The following MED12L variants were observed in gnomAD, a reference collection of about 807,000 sequenced individuals.
MED12L encodes mediator complex subunit 12L.
A neutral mutation model predicts 281.3 loss-of-function variants in MED12L; 60 were observed. The ratio of observed to expected loss-of-function variants is 0.21; its 90% CI spans 0.17 to 0.26. The LOEUF (loss-of-function observed/expected upper bound fraction) is 0.26. Among genes scored for constraint, MED12L ranks in the 10% least tolerant of loss-of-function variants. The pLI, the probability that MED12L is intolerant of heterozygous loss-of-function variation, is 1.00. For synonymous variants in MED12L, 974 were observed against 987.2 expected (o/e 0.99, Z 0.25); for missense variants, 2,146 against 2,680.9 (o/e 0.80, Z 4.41).
At chr3:151,142,485 A>G (rs1045573841) in intron 5 of MED12L, among the ~76,000 whole-genome samples, 7 of 152,248 alleles carry the variant, frequency 4.6e-5, no homozygotes, top group Non-Finnish European at 8.8e-5. Context: ...AAAACACAAA[A>G]TGTTCAGAAA....
At chr3:151,337,665 G>A in intron 16 of MED12L, 2 of 732,150 alleles carry the variant, frequency 2.7e-6, no homozygotes, top group South Asian at 3.8e-5. Context: ...ATACTGGAAA[G>A]GTAAATGAAA....
intron 8 of MED12L, among the ~76,000 whole-genome samples, chr3:151,161,108 A>G (rs907716621): frequency 2.0e-5 from 3 of 152,192 alleles, no homozygotes; most frequent in East Asian, 1.9e-4. Context: ...GCAAAGTGAC[A>G]CAGGTAGTTG....
chr3:151,104,078 A>G (rs1442371228), intron 2 of MED12L, among the ~76,000 whole-genome samples: 1 of 152,062 alleles, frequency 6.6e-6, no homozygotes, highest in African/African-American at 2.4e-5. Context: ...TTGAGCTCAT[A>G]TCCTTTTGGT....
intron 16 of MED12L, chr3:151,295,342 C>G (rs1744946355): frequency 3.2e-6 from 2 of 625,696 alleles, no homozygotes. Context: ...TTTACAGAGT[C>G]AAGGTAGCAC....
chr3:151,100,984 A>C (rs1022801914), intron 2 of MED12L, among the ~76,000 whole-genome samples: 1 of 152,188 alleles, frequency 6.6e-6, no homozygotes, highest in Non-Finnish European at 1.5e-5. Context: ...TCTGTTGTAG[A>C]TTAATATAAA....
intron 44 of MED12L, 22 bp downstream of exon 44, chr3:151,430,402 G>A (rs1329872946): frequency 6.2e-7 from 1 of 1,611,984 alleles, no homozygotes; most frequent in Non-Finnish European, 8.5e-7. Flanking sequence ...TGTGTGTCAT[G>A]GAACAGACAG....
intron 16 of MED12L, chr3:151,327,904 C>A: frequency 1.0e-6 from 1 of 955,282 alleles, no homozygotes; most frequent in Non-Finnish European, 1.6e-6. Context: ...AGCATTTGTT[C>A]CAATCTTTTT....
rs1720050894 is a variant in MED12L, at chr3:151,435,539, A to AACTAACTT, written c.*2738_*2739insAACTTACT. 1 of 152,122 alleles carries AACTAACTT rather than the reference A, an allele frequency of 6.6e-6. No individual in the cohort carries two copies. The highest frequency in any genetic ancestry group is 1.9e-4 in the East Asian group (1 of 5,192). 9.4% of individuals were successfully genotyped at this position (152,122 alleles called of 1,614,324 possible). A position where few individuals can be genotyped will look rare whatever the true frequency, so the allele number is the denominator to read the frequency against. ...ATGTCTCAAATGATTGGCAGGGGCT[A>AACTAACTT]ACTTATTAGTAATTCTCGGTTTTGT... is the stretch of plus-strand genomic sequence containing the variant. On this transcript the variant is annotated 3_prime_UTR_variant, in exon 45 of 45. Transcript: ENST00000687756.
At chr3:151,268,146 G>C (rs1464453433) in intron 16 of MED12L, among the ~76,000 whole-genome samples, 3 of 151,902 alleles carry the variant, frequency 2.0e-5, no homozygotes. Flanking sequence ...TCAATACAAA[G>C]CATTAATAAA....
intron 16 of MED12L, among the ~76,000 whole-genome samples, chr3:151,312,453 G>A (rs1262066827): frequency 6.6e-6 from 1 of 152,074 alleles, no homozygotes; most frequent in Non-Finnish European, 1.5e-5. Context: ...TGGTATACTG[G>A]CCTTTGCTTT....
intron 16 of MED12L, among the ~76,000 whole-genome samples, chr3:151,226,732 T>C (rs535764573): frequency 6.6e-6 from 1 of 152,350 alleles, no homozygotes; most frequent in Admixed American, 6.5e-5. Flanking sequence ...TCTTCAGTTA[T>C]CTTCCAGATA....
At chr3:151,092,397 G>A (rs1408472550) in intron 2 of MED12L, among the ~76,000 whole-genome samples, 1 of 152,234 alleles carries the variant, frequency 6.6e-6, no homozygotes, top group Non-Finnish European at 1.5e-5. Context: ...GCAGAGGCTT[G>A]TCTGTGGTGT....
At chr3:151,307,199 T>C (rs1010791050) in intron 16 of MED12L, among the ~76,000 whole-genome samples, 3 of 152,188 alleles carry the variant, frequency 2.0e-5, no homozygotes, top group Non-Finnish European at 4.4e-5. Flanking sequence ...GTATGTGTAT[T>C]TGTAAATTTA....
chr3:151,272,694 C>T (rs576679034), intron 16 of MED12L, among the ~76,000 whole-genome samples: 196 of 152,252 alleles, frequency 1.3e-3, no homozygotes, highest in Admixed American at 1.8e-3. Flanking sequence ...GACAGATGTG[C>T]AGGAGGTGGG....
intron 8 of MED12L, among the ~76,000 whole-genome samples, chr3:151,161,251 G>A (rs1719946584): frequency 6.6e-6 from 1 of 150,662 alleles, no homozygotes; most frequent in Non-Finnish European, 1.5e-5. Context: ...GACTATTTTG[G>A]ACTGTTTGTC....
At chr3:151,129,380 A>G (rs1343369214) in intron 5 of MED12L, among the ~76,000 whole-genome samples, 1 of 152,170 alleles carries the variant, frequency 6.6e-6, no homozygotes, top group African/African-American at 2.4e-5. Flanking sequence ...TAGAGAAGAA[A>G]TGCCCAGGAA....
intron 5 of MED12L, among the ~76,000 whole-genome samples, chr3:151,141,187 G>GTTTTTTTTTTTTT (rs76965310): frequency 6.6e-4 from 65 of 99,046 alleles, no homozygotes; most frequent in East Asian, 3.9e-3. Flanking sequence ...TGTTTTTTTT[G>GTTTTTTTTTTTTT]TTTTTTTTTT....
chr3:151,247,648 T>C (rs1202311762), intron 16 of MED12L, among the ~76,000 whole-genome samples: 1 of 141,482 alleles, frequency 7.1e-6, no homozygotes, highest in East Asian at 2.1e-4. Context: ...CATTGGGAGA[T>C]GTACCTAATG....
At chr3:151,160,218 C>T in intron 8 of MED12L, 117 bp downstream of exon 8, 1 of 941,568 alleles carries the variant, frequency 1.1e-6, no homozygotes, top group Non-Finnish European at 1.6e-6. Flanking sequence ...TTTCCTCACC[C>T]AAGTAATTTA....
Sources: allele counts gnomAD v4.1 joint callset (sites outside exome capture counted in the v4.1 genomes callset), GRCh38; gene constraint gnomAD v4.1.1; transcripts MANE v1.5; gene names NCBI Gene and HGNC (gene_info 2026-07-23, HGNC 2026-07-21).